FREM3: variants seen among roughly 807,000 people sequenced by gnomAD.
FREM3 encodes FRAS1-related extracellular matrix protein 3.
A neutral mutation model predicts 129.1 loss-of-function variants in FREM3; 105 were observed. The ratio of observed to expected loss-of-function variants is 0.81; its 90% CI spans 0.69 to 0.96. FREM3 has a LOEUF of 0.96. Among genes scored for constraint, FREM3 ranks in the 40% least tolerant of loss-of-function variants. The pLI is 0.00. For missense variants in FREM3, 2,593 were observed against 2,666.3 expected (o/e 0.97, Z 0.61); for synonymous variants, 1,014 against 1,044.9 (o/e 0.97, Z 0.57).
chr4:143,676,830 T>G (rs1013202382), intron 2 of FREM3, among the ~76,000 whole-genome samples: 2 of 151,934 alleles, frequency 1.3e-5, no homozygotes, highest in African/African-American at 2.4e-5. Context: ...GAATCCAACT[T>G]ACAAGGGACG....
chr4:143,615,717 ACAAAAACC>A (rs1220542979), intron 5 of FREM3, among the ~76,000 whole-genome samples: 2 of 144,860 alleles, frequency 1.4e-5, no homozygotes, highest in African/African-American at 5.7e-5. Context: ...CAAAAAAAAA[ACAAAAACC>A]CAAAAACCCA....
chr4:143,605,128 GT>G (rs1277156237), intron 6 of FREM3, among the ~76,000 whole-genome samples: 1 of 151,972 alleles, frequency 6.6e-6, no homozygotes, highest in East Asian at 1.9e-4. Flanking sequence ...AAACAACACT[GT>G]AAATTAACAA....
intron 6 of FREM3, among the ~76,000 whole-genome samples, chr4:143,591,745 G>A (rs989955962): frequency 2.6e-4 from 40 of 152,286 alleles, no homozygotes; most frequent in African/African-American, 9.4e-4. Context: ...TTCTGTAGAT[G>A]TCTATGAGGT....
At chr4:143,678,685 T>C (rs940197220) in intron 2 of FREM3, among the ~76,000 whole-genome samples, 1 of 152,118 alleles carries the variant, frequency 6.6e-6, no homozygotes, top group Non-Finnish European at 1.5e-5. Flanking sequence ...TGCAAGTATG[T>C]ACCACAGTCA....
chr4:143,584,670 C>T (rs573165019), intron 7 of FREM3, among the ~76,000 whole-genome samples: 1 of 152,048 alleles, frequency 6.6e-6, no homozygotes, highest in Non-Finnish European at 1.5e-5. Context: ...GATAACCATA[C>T]AATAATAATG....
At position 143,695,527 on chromosome 4, in the gene FREM3, C is replaced by T. The variant is rs1166587819; in HGVS notation, c.5149G>A (p.Gly1717Ser). 2 of 1,537,372 alleles carry T rather than the reference C, an allele frequency of 1.3e-6. No homozygotes were observed. The highest frequency in any genetic ancestry group is 2.4e-5 in the South Asian group (2 of 84,006). The change falls in exon 1 of 8, where the codon GGC becomes AGC. Residue 1717 changes from glycine (G) to serine (S), a missense_variant. Physicochemically the swap from Gly to Ser is moderately conservative, Grantham distance 56 (BLOSUM62 0). Coordinates refer to ENST00000329798, the MANE Select transcript of FREM3 (RefSeq NM_001168235.2). ...GPEHGFIIKT[G>S]LGNQSTRVFT... ...ACTCGAGTGCTCTGGTTTCCAAGGC[C>T]AGTTTTGATAATGAAGCCATGCTCT...
At chr4:143,587,785 G>A (rs1225210287) in intron 6 of FREM3, among the ~76,000 whole-genome samples, 1 of 152,096 alleles carries the variant, frequency 6.6e-6, no homozygotes. Context: ...CCCACAGTTG[G>A]GTATCTCTTA....
At chr4:143,595,697 C>G (rs1738463091) in intron 6 of FREM3, among the ~76,000 whole-genome samples, 1 of 152,114 alleles carries the variant, frequency 6.6e-6, no homozygotes, top group East Asian at 1.9e-4. Flanking sequence ...ACCATCCTGG[C>G]TAACACGGTG....
At chr4:143,670,824 T>C (rs182702439) in intron 2 of FREM3, among the ~76,000 whole-genome samples, 23 of 152,232 alleles carry the variant, frequency 1.5e-4, no homozygotes, top group Admixed American at 4.6e-4. Flanking sequence ...TCTTAGGTTT[T>C]TGCATGATCA....
At chr4:143,588,474 A>G (rs548124962) in intron 6 of FREM3, among the ~76,000 whole-genome samples, 78 of 147,298 alleles carry the variant, frequency 5.3e-4, no homozygotes, top group Non-Finnish European at 9.9e-4. Context: ...ATTCCCACCT[A>G]TGAGTGAGAA....
intron 2 of FREM3, among the ~76,000 whole-genome samples, chr4:143,640,514 T>A (rs1172202778): frequency 6.6e-6 from 1 of 152,124 alleles, no homozygotes; most frequent in East Asian, 1.9e-4. Context: ...CTACTAAAAA[T>A]ACAAAATTAG....
intron 1 of FREM3, among the ~76,000 whole-genome samples, chr4:143,694,874 T>C (rs1560875653): frequency 6.6e-6 from 1 of 152,204 alleles, no homozygotes; most frequent in Non-Finnish European, 1.5e-5. Flanking sequence ...AAAAAAGTTA[T>C]GACAACATAA....
At chr4:143,666,933 T>C (rs1739873632) in intron 2 of FREM3, among the ~76,000 whole-genome samples, 1 of 152,176 alleles carries the variant, frequency 6.6e-6, no homozygotes, top group Non-Finnish European at 1.5e-5. Flanking sequence ...AACCATTGAA[T>C]TATAGACTTT....
intron 6 of FREM3, among the ~76,000 whole-genome samples, chr4:143,589,383 G>T (rs563391325): frequency 3.5e-4 from 53 of 151,978 alleles, no homozygotes; most frequent in African/African-American, 1.0e-3. Context: ...GGTCTAACAT[G>T]TAAGTCTTTA....
At chr4:143,691,084 GA>G (rs1486670704) in intron 2 of FREM3, among the ~76,000 whole-genome samples, 4 of 152,048 alleles carry the variant, frequency 2.6e-5, no homozygotes, top group Non-Finnish European at 5.9e-5. Flanking sequence ...GGATCTAAGG[GA>G]AAAAAATCCA....
chr4:143,636,888 A>T (rs1029335067), intron 2 of FREM3, among the ~76,000 whole-genome samples: 1 of 152,156 alleles, frequency 6.6e-6, no homozygotes, highest in Admixed American at 6.5e-5. Context: ...AATGTTTATG[A>T]CTTAAACTTG....
chr4:143,698,693 T>C lies in FREM3; in HGVS notation c.1983A>G (p.Gly661=). 6.5e-7 allele frequency: 1 copy of C among 1,537,474 alleles called. No homozygotes were observed. The highest frequency in any genetic ancestry group is 1.7e-4 in the Middle Eastern group (1 of 5,990). The change falls in exon 1 of 8, where the codon GGA becomes GGG. Residue 661 remains glycine, a synonymous_variant. Coordinates refer to ENST00000329798, the MANE Select transcript of FREM3 (RefSeq NM_001168235.2). ...MEGRLFYRHL[G]PHSPQSVMVQ... ...CCATTACAGATTGAGGGCTGTGTGG[T>C]CCAAGATGGCGGTAGAAGAGTCTCC...
chr4:143,668,567 G>C (rs1739906881), intron 2 of FREM3, among the ~76,000 whole-genome samples: 1 of 152,168 alleles, frequency 6.6e-6, no homozygotes, highest in South Asian at 2.1e-4. Context: ...TTCATGAAAG[G>C]GCTGAAATTT....
At chr4:143,663,048 C>G (rs905173250) in intron 2 of FREM3, among the ~76,000 whole-genome samples, 5 of 152,106 alleles carry the variant, frequency 3.3e-5, no homozygotes, top group Non-Finnish European at 7.4e-5. Context: ...ATTTGCCACT[C>G]TGCGTCTTTT....
Sources: allele counts gnomAD v4.1 joint callset (sites outside exome capture counted in the v4.1 genomes callset), GRCh38; gene constraint gnomAD v4.1.1; transcripts MANE v1.5; gene names NCBI Gene and HGNC (gene_info 2026-07-23, HGNC 2026-07-21).